Variants in NRXN3 observed in about 807,000 individuals in gnomAD.
The protein encoded by NRXN3 is neurexin III.
A neutral mutation model predicts 137.6 loss-of-function variants in NRXN3; 32 were observed. The ratio of observed to expected loss-of-function variants is 0.23; its 90% CI spans 0.18 to 0.31. The LOEUF is 0.31. Among genes scored for constraint, NRXN3 ranks in the 10% least tolerant of loss-of-function variants. The pLI, the probability that NRXN3 is intolerant of heterozygous loss-of-function variation, is 1.00. For missense variants in NRXN3, 1,574 were observed against 2,062.5 expected, an observed-to-expected ratio of 0.76 and a Z score of 4.59; for synonymous variants, 798 against 784.5, an observed-to-expected ratio of 1.02 and a Z score of -0.29.
intron 4 of NRXN3, among the ~76,000 whole-genome samples, chr14:78,599,097 C>T (rs2097181977): frequency 6.6e-6 from 1 of 152,232 alleles, no homozygotes; most frequent in Non-Finnish European, 1.5e-5. Flanking sequence ...AGAGATGCAG[C>T]ATGCAGGGAC....
chr14:79,412,858 A>G (rs2095439404), intron 15 of NRXN3, among the ~76,000 whole-genome samples: 1 of 151,896 alleles, frequency 6.6e-6, no homozygotes, highest in Admixed American at 6.6e-5. Context: ...TTAAAATAAG[A>G]AGGGGCTAAT....
intron 14 of NRXN3, among the ~76,000 whole-genome samples, chr14:78,984,427 A>T (rs1270441932): frequency 1.3e-5 from 2 of 152,202 alleles, no homozygotes; most frequent in Non-Finnish European, 2.9e-5. Context: ...GACATGATGA[A>T]GAGTAAAAGT....
At chr14:78,213,873 C>T (rs974661890) in intron 1 of NRXN3, among the ~76,000 whole-genome samples, 4 of 152,172 alleles carry the variant, frequency 2.6e-5, no homozygotes, top group African/African-American at 9.7e-5. Flanking sequence ...CTATAGTGAA[C>T]TGTTGTCTGT....
intron 1 of NRXN3, among the ~76,000 whole-genome samples, chr14:78,235,056 G>C (rs922796564): frequency 1.2e-5 from 1 of 82,860 alleles, no homozygotes; most frequent in South Asian, 4.3e-4. Context: ...GTGTGTGTGT[G>C]TCTTTTTGTC....
intron 4 of NRXN3, among the ~76,000 whole-genome samples, chr14:78,629,711 A>T (rs1012833738): frequency 2.0e-5 from 3 of 152,224 alleles, no homozygotes; most frequent in Non-Finnish European, 2.9e-5. Context: ...GGTGGTGTAC[A>T]ATGATAATTG....
At chr14:79,817,994 A>C (rs962485907) in intron 20 of NRXN3, among the ~76,000 whole-genome samples, 1 of 143,248 alleles carries the variant, frequency 7.0e-6, no homozygotes, top group African/African-American at 2.6e-5. Flanking sequence ...ACCAACACTT[A>C]TGTGAGGTGA....
chr14:79,464,927 C>CAAATAT (rs1406729412), intron 15 of NRXN3, among the ~76,000 whole-genome samples: 120 of 152,226 alleles, frequency 7.9e-4, no homozygotes, highest in Non-Finnish European at 1.4e-3. Flanking sequence ...TGTAAAGCAG[C>CAAATAT]ATGTATATGC....
chr14:79,679,239 T>C (rs1412241603), intron 17 of NRXN3, among the ~76,000 whole-genome samples: 2 of 152,162 alleles, frequency 1.3e-5, no homozygotes, highest in Non-Finnish European at 1.5e-5. Context: ...AAAATCTCTC[T>C]ATACACACAC....
chr14:79,436,387 A>G (rs959276118), intron 15 of NRXN3, among the ~76,000 whole-genome samples: 4 of 152,208 alleles, frequency 2.6e-5, no homozygotes, highest in Admixed American at 2.0e-4. Flanking sequence ...GCAGTCCACA[A>G]TGACATACTG....
At chr14:78,600,480 C>T (rs1196414348) in intron 4 of NRXN3, among the ~76,000 whole-genome samples, 1 of 152,190 alleles carries the variant, frequency 6.6e-6, no homozygotes, top group Non-Finnish European at 1.5e-5. Flanking sequence ...AACCACATCT[C>T]CCAAGAGGTA....
chr14:79,513,856 C>T (rs573967959), intron 16 of NRXN3, among the ~76,000 whole-genome samples: 1 of 152,276 alleles, frequency 6.6e-6, no homozygotes, highest in East Asian at 1.9e-4. Flanking sequence ...TAGTCGTTTG[C>T]AAGAAACAGC....
At chr14:78,999,020 C>A (rs553723109) in intron 15 of NRXN3, among the ~76,000 whole-genome samples, 2 of 152,262 alleles carry the variant, frequency 1.3e-5, no homozygotes, top group South Asian at 4.1e-4. Flanking sequence ...TCTCAACCTA[C>A]CCTTTTCTTG....
rs143843596 is a variant in NRXN3 at position 78,182,672 on chromosome 14, T to C, written c.-704+11998T>C. 9.4e-3 allele frequency among the ~76,000 whole-genome samples: 1,431 copies of C among 152,148 alleles called. 17 individuals are homozygous for C. The highest frequency in any genetic ancestry group is 0.033 in the African/African-American group (1,365 of 41,508). On this transcript the variant is annotated intron_variant, in intron 1 of 20. Coordinates refer to ENST00000335750, the MANE Select transcript of NRXN3 (RefSeq NM_001330195.2). ...TTTTAGTAGAGACGGGGTTGCTCCA[T>C]GTTAGTCAGGCTGGTCTCGAACTCC...
intron 2 of NRXN3, among the ~76,000 whole-genome samples, chr14:78,247,083 T>G (rs975043723): frequency 6.6e-6 from 1 of 152,192 alleles, no homozygotes; most frequent in Non-Finnish European, 1.5e-5. Context: ...CAGCTTCAGA[T>G]GGATGTGGTC....
intron 15 of NRXN3, among the ~76,000 whole-genome samples, chr14:79,395,208 A>C (rs1280986995): frequency 2.0e-5 from 3 of 152,204 alleles, no homozygotes; most frequent in African/African-American, 7.2e-5. Flanking sequence ...GCCAGGGTTC[A>C]TAACTTTGGG....
At chr14:79,049,360 A>G (rs558318748) in intron 15 of NRXN3, among the ~76,000 whole-genome samples, 1 of 152,128 alleles carries the variant, frequency 6.6e-6, no homozygotes, top group African/African-American at 2.4e-5. Flanking sequence ...ATACGAAGCA[A>G]CTCCTCATTC....
chr14:79,592,994 A>G (rs941422079), intron 16 of NRXN3, among the ~76,000 whole-genome samples: 12 of 152,190 alleles, frequency 7.9e-5, no homozygotes, highest in Non-Finnish European at 1.8e-4. Context: ...CTGGTATTTC[A>G]AAAGTAAAAA....
chr14:78,901,732 T>A (rs897240111), intron 10 of NRXN3, among the ~76,000 whole-genome samples: 1 of 152,040 alleles, frequency 6.6e-6, no homozygotes, highest in East Asian at 1.9e-4. Context: ...GTGGGCCAGA[T>A]GGGGCACAGG....
At chr14:79,818,842 A>G (rs976361916) in intron 20 of NRXN3, among the ~76,000 whole-genome samples, 3 of 152,258 alleles carry the variant, frequency 2.0e-5, no homozygotes, top group African/African-American at 4.8e-5. Flanking sequence ...GTTTGCTTGT[A>G]TTATAATCCT....
Sources: gnomAD v4.1 joint callset for allele counts (sites outside exome capture counted in the v4.1 genomes callset) on GRCh38, gnomAD v4.1.1 for gene constraint, MANE v1.5 for transcripts, NCBI Gene and HGNC (gene_info 2026-07-23, HGNC 2026-07-21) for gene names.